The following ACER3 variants were observed in gnomAD, a reference collection of about 807,000 sequenced individuals.
The protein encoded by ACER3 is alkCDase 3.
A neutral mutation model predicts 48.9 loss-of-function variants in ACER3; 16 were observed. That is an observed-to-expected ratio of 0.33 (90% CI 0.22 to 0.50). The LOEUF is 0.50. ACER3 is among the 20% of genes least tolerant of loss of function. The pLI is 0.98. For synonymous variants in ACER3, 109 were observed against 107.8 expected, an observed-to-expected ratio of 1.01 and a Z score of -0.07; for missense variants, 227 against 326.0, an observed-to-expected ratio of 0.70 and a Z score of 2.34.
At chr11:77,010,267 G>A (rs1217981615) in intron 7 of ACER3, among the ~76,000 whole-genome samples, 1 of 151,718 alleles carries the variant, frequency 6.6e-6, no homozygotes, top group Non-Finnish European at 1.5e-5. Context: ...AGGATTACTT[G>A]AGCCCTGGAG....
chr11:76,891,933 TA>T (rs1259238070), intron 1 of ACER3, among the ~76,000 whole-genome samples: 7 of 152,258 alleles, frequency 4.6e-5, no homozygotes, highest in Non-Finnish European at 1.0e-4. Context: ...TAACAATTAG[TA>T]TAGACTAACA....
At chr11:76,867,995 C>T in intron 1 of ACER3, 9 of 746,180 alleles carry the variant, frequency 1.2e-5, no homozygotes, top group South Asian at 1.8e-5. Context: ...TCTTTTTTTT[C>T]CTTGCTGCTG....
intron 1 of ACER3, among the ~76,000 whole-genome samples, chr11:76,863,749 CTT>C (rs1397503516): frequency 2.0e-5 from 3 of 152,146 alleles, no homozygotes; most frequent in African/African-American, 7.2e-5. Context: ...TATCTTATCT[CTT>C]TTGATCTTTA....
At chr11:76,957,352 T>G (rs1452109139) in intron 2 of ACER3, 1 of 296,740 alleles carries the variant, frequency 3.4e-6, no homozygotes, top group Admixed American at 4.3e-5. Context: ...GCATAGAATT[T>G]TTTAAATTTT....
At chr11:76,972,150 G>T (rs1429154614) in intron 3 of ACER3, among the ~76,000 whole-genome samples, 1 of 152,204 alleles carries the variant, frequency 6.6e-6, no homozygotes, top group Non-Finnish European at 1.5e-5. Context: ...GAGTGGAATT[G>T]CTGGGTCATT....
At chr11:76,980,511 TA>T (rs749714251) in intron 4 of ACER3, among the ~76,000 whole-genome samples, 13 of 151,964 alleles carry the variant, frequency 8.6e-5, no homozygotes, top group Non-Finnish European at 1.5e-4. Context: ...ACCCTGTCAC[TA>T]CAAAAAAATT....
intron 9 of ACER3, among the ~76,000 whole-genome samples, chr11:77,017,468 A>G (rs1039708053): frequency 7.9e-5 from 12 of 152,226 alleles, no homozygotes; most frequent in African/African-American, 2.9e-4. Flanking sequence ...AAAAGAAATT[A>G]AGCAAAACGC....
chr11:77,003,783 C>A (rs967269578), intron 7 of ACER3, among the ~76,000 whole-genome samples: 4 of 152,118 alleles, frequency 2.6e-5, no homozygotes, highest in Non-Finnish European at 1.5e-5. Context: ...TAAAATTTCT[C>A]TTGAGACTTC....
At chr11:76,867,539 C>T (rs1945127524) in intron 1 of ACER3, among the ~76,000 whole-genome samples, 1 of 135,684 alleles carries the variant, frequency 7.4e-6, no homozygotes, top group Non-Finnish European at 1.6e-5. Flanking sequence ...TATGAACAGA[C>T]AAGTATAAAC....
chr11:76,913,754 G>A (rs1946448668), intron 1 of ACER3, among the ~76,000 whole-genome samples: 1 of 152,022 alleles, frequency 6.6e-6, no homozygotes, highest in South Asian at 2.1e-4. Context: ...TGAATCCTAA[G>A]CCAAGAACAA....
intron 2 of ACER3, among the ~76,000 whole-genome samples, chr11:76,927,464 T>TA (rs1313790919): frequency 4.0e-5 from 6 of 151,880 alleles, no homozygotes; most frequent in East Asian, 3.9e-4. Flanking sequence ...TTCTGTTTTT[T>TA]TTATTATTAT....
At chr11:76,879,654 T>C (rs1314416016) in intron 1 of ACER3, among the ~76,000 whole-genome samples, 1 of 152,232 alleles carries the variant, frequency 6.6e-6, no homozygotes, top group African/African-American at 2.4e-5. Context: ...GTTTGTCAAA[T>C]ATTATTCTAT....
At chr11:76,968,411 A>G (rs1591007595) in intron 3 of ACER3, among the ~76,000 whole-genome samples, 1 of 152,206 alleles carries the variant, frequency 6.6e-6, no homozygotes, top group African/African-American at 2.4e-5. Flanking sequence ...CAAGCTACCA[A>G]TGACTTTCTT....
chr11:76,954,926 G>A (rs987333698), intron 2 of ACER3, among the ~76,000 whole-genome samples: 5 of 152,054 alleles, frequency 3.3e-5, no homozygotes, highest in Non-Finnish European at 5.9e-5. Context: ...TTAATGGTTT[G>A]TTTAAAGTTC....
intron 3 of ACER3, among the ~76,000 whole-genome samples, chr11:76,973,721 AG>A (rs1948367305): frequency 6.6e-6 from 1 of 152,114 alleles, no homozygotes; most frequent in Admixed American, 6.5e-5. Flanking sequence ...ATGCAAAAAA[AG>A]TTTTCAGTTC....
intron 1 of ACER3, among the ~76,000 whole-genome samples, chr11:76,864,630 C>T (rs1473444109): frequency 5.3e-4 from 54 of 101,322 alleles, no homozygotes; most frequent in Admixed American, 2.6e-4. Flanking sequence ...GGTAGAGTCT[C>T]GCTCTGTTGC....
Position 76,872,656 on chromosome 11 carries a change from G to A in ACER3, c.103+11577G>A, listed in dbSNP as rs556782885. ...GGAGGAGGATGTCATTATTGTTGAT[G>A]TCATATTGTTAATGGGTTACCATAT... On this transcript the variant is annotated intron_variant, in intron 1 of 10. Transcript: ENST00000532485. Among the ~76,000 whole-genome samples the A allele has an allele frequency of 2.0e-5, 3 of 152,260 alleles. No homozygotes were observed. In the South Asian group the frequency reaches 6.2e-4, roughly 32 times the overall value.
At chr11:76,933,199 T>TCAG (rs1947062816) in intron 2 of ACER3, among the ~76,000 whole-genome samples, 1 of 147,400 alleles carries the variant, frequency 6.8e-6, no homozygotes, top group East Asian at 2.0e-4. Context: ...TATATGAAAC[T>TCAG]TCACTATTCT....
At chr11:76,867,142 A>G (rs1945110950) in intron 1 of ACER3, among the ~76,000 whole-genome samples, 3 of 152,196 alleles carry the variant, frequency 2.0e-5, no homozygotes, top group Admixed American at 6.5e-5. Context: ...GACTAAGGCT[A>G]TAAAACCATT....
Sources: gnomAD v4.1 joint callset for allele counts (sites outside exome capture counted in the v4.1 genomes callset) on GRCh38, gnomAD v4.1.1 for gene constraint, MANE v1.5 for transcripts, NCBI Gene and HGNC (gene_info 2026-07-23, HGNC 2026-07-21) for gene names.